The following NBEA variants were observed in gnomAD, a reference collection of about 807,000 sequenced individuals.
NBEA encodes lysosomal-trafficking regulator 2.
Under a neutral mutation model 343.4 loss-of-function variants are expected in NBEA, and 44 were observed. That is an observed-to-expected ratio of 0.13 (90% CI 0.10 to 0.16). The LOEUF (loss-of-function observed/expected upper bound fraction) is 0.16. Among genes scored for constraint, NBEA ranks in the 10% least tolerant of loss-of-function variants. The pLI, the probability that NBEA is intolerant of heterozygous loss-of-function variation, is 1.00. For missense variants in NBEA, 2,555 were observed against 3,631.3 expected, an observed-to-expected ratio of 0.70 and a Z score of 7.62; for synonymous variants, 1,175 against 1,238.7, an observed-to-expected ratio of 0.95 and a Z score of 1.08.
chr13:35,550,603 CCTT>C lies in NBEA; in HGVS notation c.6703+10_6703+12del. 6.5e-7 allele frequency: 1 copy of C among 1,539,456 alleles called. No homozygotes were observed. Among genetic ancestry groups the C allele is most frequent in the Non-Finnish European group, 9.0e-7 (1 of 1,115,024 alleles). On this transcript the variant is annotated intron_variant, in intron 42 of 58. Transcript: ENST00000379939. ...ATTTATGGCAAACCGAAGTAAGTCC[CCTT>C]AATATTTTGAAAGAAAATGTGCTCA...
chr13:35,503,039 T>C (rs1174124038), intron 41 of NBEA, among the ~76,000 whole-genome samples: 2 of 152,134 alleles, frequency 1.3e-5, no homozygotes, highest in African/African-American at 2.4e-5. Flanking sequence ...TGTAAATGTT[T>C]ACTAGTTTCC....
intron 1 of NBEA, among the ~76,000 whole-genome samples, chr13:34,992,885 G>A (rs1243662812): frequency 3.4e-5 from 5 of 145,512 alleles, no homozygotes; most frequent in Admixed American, 7.0e-5. Flanking sequence ...GGGTTTCACC[G>A]TATTAGCCAG....
At chr13:35,065,872 A>T (rs892490194) in intron 8 of NBEA, among the ~76,000 whole-genome samples, 2 of 152,150 alleles carry the variant, frequency 1.3e-5, no homozygotes, top group African/African-American at 4.8e-5. Context: ...GTTTGGACAG[A>T]TAATATACTT....
rs1025953439 is a variant in NBEA at position 35,120,712 on chromosome 13, T to C, written c.2243+2238T>C. ...ATAACAGAACACTGAAGTAAGCAGC[T>C]AAAAATTTGATGTTTTTATATCTGG... is the stretch of plus-strand genomic sequence containing the variant. On this transcript the variant is annotated intron_variant, in intron 16 of 58. Transcript: ENST00000379939. 2.3e-4 allele frequency among the ~76,000 whole-genome samples: 30 copies of C among 129,380 alleles called. 3 individuals are homozygous for C. The highest frequency in any genetic ancestry group is 1.1e-3 in the African/African-American group (28 of 24,744). The allele number at this position is 129,380 out of a possible 152,430, so 84.9% of individuals were successfully genotyped here.
chr13:35,587,328 A>G (rs147101753), intron 46 of NBEA, among the ~76,000 whole-genome samples: 47 of 152,302 alleles, frequency 3.1e-4, no homozygotes, highest in African/African-American at 1.1e-3. Flanking sequence ...GTTAGTCCAC[A>G]TGGAACTCTC....
intron 45 of NBEA, among the ~76,000 whole-genome samples, chr13:35,575,412 A>AG (rs1462181858): frequency 1.3e-5 from 2 of 152,212 alleles, no homozygotes; most frequent in African/African-American, 2.4e-5. Context: ...CCCAAAACAT[A>AG]GGAAAGACTT....
intron 1 of NBEA, among the ~76,000 whole-genome samples, chr13:35,026,065 G>T (rs1334721136): frequency 6.6e-6 from 1 of 152,080 alleles, no homozygotes; most frequent in Non-Finnish European, 1.5e-5. Context: ...GGACCAGGTG[G>T]AGATAATTGA....
intron 43 of NBEA, among the ~76,000 whole-genome samples, chr13:35,554,355 G>A (rs1206144175): frequency 6.6e-6 from 1 of 152,138 alleles, no homozygotes; most frequent in Non-Finnish European, 1.5e-5. Flanking sequence ...AACTGCTTTT[G>A]TTATTTTTAG....
intron 1 of NBEA, among the ~76,000 whole-genome samples, chr13:35,001,968 A>T (rs563551839): frequency 3.3e-5 from 5 of 152,174 alleles, no homozygotes; most frequent in Non-Finnish European, 5.9e-5. Context: ...AGGTGACAGT[A>T]TATCCCCGTA....
At chr13:35,360,306 G>T (rs1010949582) in intron 38 of NBEA, among the ~76,000 whole-genome samples, 10 of 151,982 alleles carry the variant, frequency 6.6e-5, no homozygotes, top group African/African-American at 1.2e-4. Context: ...GGCCCAAACT[G>T]AACTGACTTT....
At chr13:35,083,178 C>A (rs1178960632) in intron 10 of NBEA, among the ~76,000 whole-genome samples, 1 of 152,156 alleles carries the variant, frequency 6.6e-6, no homozygotes, top group Non-Finnish European at 1.5e-5. Flanking sequence ...AATAGGGAAT[C>A]CTTTCCCATT....
chr13:35,111,748 C>T (rs2066219181), intron 13 of NBEA, among the ~76,000 whole-genome samples: 1 of 151,914 alleles, frequency 6.6e-6, no homozygotes, highest in Non-Finnish European at 1.5e-5. Context: ...TTTAAAATTA[C>T]TGAGAAAGGG....
chr13:35,580,995 G>A (rs148651889), intron 45 of NBEA, among the ~76,000 whole-genome samples: 194 of 152,308 alleles, frequency 1.3e-3, no homozygotes, highest in African/African-American at 4.4e-3. Context: ...AGAATGTTTT[G>A]TGAGATTTTA....
At position 35,195,801 on chromosome 13, in the gene NBEA, T is replaced by G. The variant is rs936381178; in HGVS notation, c.4928-63T>G. On this transcript the variant is annotated intron_variant, in intron 30 of 58. Coordinates refer to ENST00000379939, the MANE Select transcript of NBEA (RefSeq NM_001385012.1). ...CTTTATTTGAATATATGAAAACATTTGATTAATAATACAAGATTTTTACTT... is the reference window on the plus strand; with the variant it reads ...CTTTATTTGAATATATGAAAACATTGGATTAATAATACAAGATTTTTACTT... 2.9e-6 allele frequency: 4 copies of G among 1,384,694 alleles called. No homozygotes were observed. In the African/African-American group the frequency reaches 5.8e-5, roughly 20 times the overall value. 85.8% of individuals were successfully genotyped at this position (1,384,694 alleles called of 1,614,324 possible). A position where few individuals can be genotyped will look rare whatever the true frequency, so the allele number is the denominator to read the frequency against.
intron 1 of NBEA, among the ~76,000 whole-genome samples, chr13:34,973,651 G>A (rs1012329518): frequency 6.6e-6 from 1 of 152,110 alleles, no homozygotes; most frequent in African/African-American, 2.4e-5. Flanking sequence ...GAACAGCTGA[G>A]TCATCCAAAC....
chr13:35,009,514 C>T (rs1302616131), intron 1 of NBEA, among the ~76,000 whole-genome samples: 2 of 152,096 alleles, frequency 1.3e-5, no homozygotes, highest in Non-Finnish European at 2.9e-5. Context: ...TGAGCTGTCC[C>T]ACTGTCCAAG....
At chr13:35,429,293 C>T (rs1396243883) in intron 38 of NBEA, among the ~76,000 whole-genome samples, 1 of 152,158 alleles carries the variant, frequency 6.6e-6, no homozygotes, top group Non-Finnish European at 1.5e-5. Flanking sequence ...CATGAGGGTA[C>T]ATGTCTGGGT....
chr13:35,321,897 G>A (rs2038174936), intron 36 of NBEA, among the ~76,000 whole-genome samples: 2 of 152,184 alleles, frequency 1.3e-5, no homozygotes, highest in South Asian at 2.1e-4. Flanking sequence ...TTTACACTAT[G>A]CAGGGAAAAC....
intron 34 of NBEA, among the ~76,000 whole-genome samples, chr13:35,235,576 A>T (rs2075188165): frequency 6.6e-6 from 1 of 152,204 alleles, no homozygotes; most frequent in East Asian, 1.9e-4. Flanking sequence ...GCAAAGGCAC[A>T]ATTATGTTGT....
Sources: allele counts gnomAD v4.1 joint callset (sites outside exome capture counted in the v4.1 genomes callset), GRCh38; gene constraint gnomAD v4.1.1; transcripts MANE v1.5; gene names NCBI Gene and HGNC (gene_info 2026-07-23, HGNC 2026-07-21).